PAM: variants seen among roughly 807,000 people sequenced by gnomAD.
PAM encodes peptidyl-glycine alpha-amidating monooxygenase.
In PAM, 72 loss-of-function variants were observed where a neutral mutation model predicts 122.1. The observed-to-expected ratio is 0.59, with a 90% CI of 0.49 to 0.72. The LOEUF (loss-of-function observed/expected upper bound fraction) is 0.72, where lower values mean the gene tolerates loss of function less well. PAM is among the 30% of genes least tolerant of loss of function. The pLI, the probability that PAM is intolerant of heterozygous loss-of-function variation, is 0.00. For missense variants in PAM, 1,106 were observed against 1,183.7 expected, an observed-to-expected ratio of 0.93 and a Z score of 0.96; for synonymous variants, 389 against 404.4, an observed-to-expected ratio of 0.96 and a Z score of 0.46.
At chr5:102,908,378 T>G (rs1372426546) in intron 4 of PAM, among the ~76,000 whole-genome samples, 1 of 152,006 alleles carries the variant, frequency 6.6e-6, no homozygotes, top group Non-Finnish European at 1.5e-5. Context: ...TGCTGTAGCC[T>G]TGTAGTATAG....
chr5:102,759,675 A>G (rs1040198406), intron 1 of PAM, among the ~76,000 whole-genome samples: 1 of 152,202 alleles, frequency 6.6e-6, no homozygotes, highest in Non-Finnish European at 1.5e-5. Context: ...CCACCACTTT[A>G]TGACCTCTAC....
intron 19 of PAM, 59 bp downstream of exon 19, chr5:103,007,070 A>G: frequency 2.4e-6 from 3 of 1,256,642 alleles, no homozygotes; most frequent in Non-Finnish European, 3.4e-6. Flanking sequence ...ACTGGGAACT[A>G]AATATTGGCC....
chr5:102,778,364 G>T (rs1757740640), intron 1 of PAM, among the ~76,000 whole-genome samples: 1 of 152,090 alleles, frequency 6.6e-6, no homozygotes. Flanking sequence ...ATTCTATATA[G>T]TATTTTAGAC....
chr5:102,981,686 A>G (rs887217587), intron 15 of PAM, among the ~76,000 whole-genome samples: 4 of 152,230 alleles, frequency 2.6e-5, no homozygotes, highest in Non-Finnish European at 1.5e-5. Context: ...TGAGAACGTG[A>G]TGAAAGCAAT....
intron 1 of PAM, among the ~76,000 whole-genome samples, chr5:102,761,035 C>T (rs1018454312): frequency 6.6e-6 from 1 of 152,140 alleles, no homozygotes; most frequent in African/African-American, 2.4e-5. Flanking sequence ...CACAAAAGGA[C>T]AAGAATTGCA....
At chr5:103,028,092 T>C in intron 24 of PAM, 93 bp from the exon 25 acceptor site, 2 of 923,936 alleles carry the variant, frequency 2.2e-6, no homozygotes, top group Middle Eastern at 2.5e-4. Flanking sequence ...TGCTTTATCA[T>C]TTACCAGTTC....
chr5:102,895,102 G>A (rs1795842512), intron 3 of PAM, among the ~76,000 whole-genome samples: 1 of 151,690 alleles, frequency 6.6e-6, no homozygotes, highest in African/African-American at 2.4e-5. Context: ...TACATGCCCA[G>A]TCCAATTTAA....
chr5:102,802,106 C>G (rs950545684), intron 1 of PAM, among the ~76,000 whole-genome samples: 1 of 152,118 alleles, frequency 6.6e-6, no homozygotes, highest in Non-Finnish European at 1.5e-5. Context: ...TTAAACTCCA[C>G]TAATTGAGAG....
At chr5:102,973,815 C>T (rs1355421516) in intron 14 of PAM, among the ~76,000 whole-genome samples, 4 of 129,574 alleles carry the variant, frequency 3.1e-5, no homozygotes, top group South Asian at 4.4e-4. Flanking sequence ...TCTTAATTTC[C>T]GTATCAAACT....
rs562948851 is a variant in PAM, at chr5:102,862,917, A to G, written c.-373-2906A>G. On this transcript the variant is annotated intron_variant, in intron 1 of 25. Transcript: ENST00000438793. ...TGCTGTACAGGGTCTCTTATAAATG[A>G]ATACACGACTGAATGGTCAAATTGG... is the stretch of plus-strand genomic sequence containing the variant. 1.6e-4 allele frequency among the ~76,000 whole-genome samples: 24 copies of G among 152,264 alleles called. No homozygotes were observed. The East Asian group carries it at 4.4e-3, about 28-fold the overall frequency.
chr5:102,922,974 A>G (rs1384229389), intron 5 of PAM, among the ~76,000 whole-genome samples: 3 of 152,176 alleles, frequency 2.0e-5, no homozygotes, highest in East Asian at 1.9e-4. Flanking sequence ...CCAACGTACA[A>G]TTCTCACATG....
chr5:102,982,763 G>A (rs1303658229), intron 15 of PAM, among the ~76,000 whole-genome samples: 2 of 152,102 alleles, frequency 1.3e-5, no homozygotes, highest in Non-Finnish European at 2.9e-5. Flanking sequence ...ACTGGAAGAA[G>A]CAACTGTTAT....
At chr5:102,887,463 C>T (rs1328716456) in intron 3 of PAM, among the ~76,000 whole-genome samples, 1 of 151,970 alleles carries the variant, frequency 6.6e-6, no homozygotes, top group African/African-American at 2.4e-5. Context: ...GTAAACTACT[C>T]AGCCTCAGGT....
At chr5:102,982,879 T>C (rs746685029) in intron 15 of PAM, among the ~76,000 whole-genome samples, 4 of 151,690 alleles carry the variant, frequency 2.6e-5, no homozygotes, top group Non-Finnish European at 5.9e-5. Flanking sequence ...AAAAAAGAAA[T>C]CTATGAAATT....
At position 102,867,316 on chromosome 5, in the gene PAM, A is replaced by T. The variant is rs751643681; in HGVS notation, c.133A>T (p.Thr45Ser). ...ACCATTTTCCAATGAATGTCTTGGT[A>T]CCACCAGACCCGTAGTTCCTATTGA... ...TRPFSNECLG[T>S]TRPVVPIDSS... The change falls in exon 3 of 26, where the codon ACC becomes TCC. Residue 45 changes from threonine to serine, a missense_variant. Transcript: ENST00000438793. 5.6e-6 allele frequency: 9 copies of T among 1,599,464 alleles called. No homozygotes were observed. The highest frequency in any genetic ancestry group is 7.7e-6 in the Non-Finnish European group (9 of 1,166,870).
At chr5:102,809,661 C>T (rs1326723133) in intron 1 of PAM, among the ~76,000 whole-genome samples, 1 of 152,186 alleles carries the variant, frequency 6.6e-6, no homozygotes, top group African/African-American at 2.4e-5. Context: ...ACCCTTCTGT[C>T]TAACTTGCTT....
chr5:102,973,411 A>T (rs1363982729), intron 14 of PAM, among the ~76,000 whole-genome samples: 5 of 152,210 alleles, frequency 3.3e-5, no homozygotes, highest in Non-Finnish European at 7.4e-5. Flanking sequence ...TCCTTAATAC[A>T]GGAAGGCATA....
chr5:102,882,052 A>AAT (rs61367764), intron 3 of PAM, among the ~76,000 whole-genome samples: 24 of 62,014 alleles, frequency 3.9e-4, no homozygotes, highest in Non-Finnish European at 4.6e-4. Flanking sequence ...TCCATCGTGG[A>AAT]ATATATATAT....
At chr5:102,791,318 A>C (rs898242497) in intron 1 of PAM, among the ~76,000 whole-genome samples, 1 of 152,066 alleles carries the variant, frequency 6.6e-6, no homozygotes, top group Non-Finnish European at 1.5e-5. Flanking sequence ...AAGCCATGTG[A>C]CAGTTTATAT....
Sources: gnomAD v4.1 joint callset for allele counts (sites outside exome capture counted in the v4.1 genomes callset) on GRCh38, gnomAD v4.1.1 for gene constraint, MANE v1.5 for transcripts, NCBI Gene and HGNC (gene_info 2026-07-23, HGNC 2026-07-21) for gene names.